The following ST7 variants were observed in gnomAD, a reference collection of about 807,000 sequenced individuals.
ST7 encodes suppressor of tumorigenicity 7 protein.
In ST7, 28 loss-of-function variants were observed where a neutral mutation model predicts 78.7. The observed-to-expected ratio is 0.36, with a 90% CI of 0.26 to 0.49. The LOEUF (loss-of-function observed/expected upper bound fraction) is 0.49. ST7 is among the 20% of genes least tolerant of loss of function. The pLI is 0.99. For missense variants in ST7, 418 were observed against 696.0 expected, an observed-to-expected ratio of 0.60 and a Z score of 4.49; for synonymous variants, 247 against 249.6, an observed-to-expected ratio of 0.99 and a Z score of 0.10.
chr7:117,151,243 C>T (rs1806222630), intron 9 of ST7, among the ~76,000 whole-genome samples: 1 of 152,220 alleles, frequency 6.6e-6, no homozygotes, highest in South Asian at 2.1e-4. Flanking sequence ...AGAATGCAAA[C>T]TCTGTATGTG....
At chr7:117,101,787 C>A (rs1268223522) in intron 2 of ST7, among the ~76,000 whole-genome samples, 3 of 152,140 alleles carry the variant, frequency 2.0e-5, no homozygotes, top group Non-Finnish European at 4.4e-5. Context: ...AGAAATCTAT[C>A]CTCAAAATTC....
At chr7:117,133,976 T>C in intron 6 of ST7, 148 bp from the exon 7 acceptor site, 2 of 1,004,608 alleles carry the variant, frequency 2.0e-6, no homozygotes, top group South Asian at 1.7e-5. Flanking sequence ...CTGAATCTCA[T>C]GCCATTGAAT....
intron 10 of ST7, among the ~76,000 whole-genome samples, chr7:117,185,877 C>T (rs868383474): frequency 6.6e-6 from 1 of 152,106 alleles, no homozygotes; most frequent in Non-Finnish European, 1.5e-5. Flanking sequence ...TAGCTGAGAT[C>T]GTGCCATTGC....
At chr7:116,973,383 G>T (rs1347296851) in intron 1 of ST7, among the ~76,000 whole-genome samples, 2 of 151,996 alleles carry the variant, frequency 1.3e-5, no homozygotes, top group African/African-American at 4.8e-5. Context: ...TCAGCCTCCC[G>T]AGTAGCTGGG....
At chr7:117,145,678 A>G (rs1345238335) in intron 9 of ST7, 4 of 152,118 alleles carry the variant, frequency 2.6e-5, no homozygotes, top group Admixed American at 1.3e-4. Context: ...CAGAAACACT[A>G]TTTCTGATAG....
intron 1 of ST7, among the ~76,000 whole-genome samples, chr7:117,048,305 T>C (rs944855881): frequency 3.3e-5 from 5 of 152,184 alleles, no homozygotes; most frequent in African/African-American, 1.2e-4. Flanking sequence ...TTTTGCTTTG[T>C]CATTTATCTA....
chr7:117,128,866 G>A (rs578216237), intron 3 of ST7, among the ~76,000 whole-genome samples: 4 of 151,836 alleles, frequency 2.6e-5, no homozygotes, highest in Non-Finnish European at 5.9e-5. Flanking sequence ...TTGTACATAT[G>A]TTGTTGGATG....
At chr7:117,127,878 A>C (rs1803985380) in intron 3 of ST7, among the ~76,000 whole-genome samples, 1 of 151,992 alleles carries the variant, frequency 6.6e-6, no homozygotes, top group African/African-American at 2.4e-5. Context: ...GTTTAGAAAT[A>C]ATTTCAATTG....
rs1389460825 is a variant in ST7 at position 117,227,209 on chromosome 7, A to ATGCACC, written c.1639-2553_1639-2552insTGCACC. Among the ~76,000 whole-genome samples the ATGCACC allele has an allele frequency of 2.0e-5, 3 of 152,340 alleles. No individual in the cohort carries two copies. In the East Asian group the frequency reaches 5.8e-4, roughly 29 times the overall value. ...TTAGTGTGTGTGCATCACCCAGAGT[A>ATGCACC]CAGACTTTGAGCGATGCCTGTTATC... is the stretch of plus-strand genomic sequence containing the variant. On this transcript the variant is annotated intron_variant, in intron 15 of 15. Coordinates refer to ENST00000323984, the MANE Select transcript of ST7 (RefSeq NM_001369598.1).
chr7:117,113,624 AC>A (rs1386089509), intron 2 of ST7, among the ~76,000 whole-genome samples: 2 of 152,188 alleles, frequency 1.3e-5, no homozygotes, highest in African/African-American at 4.8e-5. Flanking sequence ...ATAGGCAGGA[AC>A]CATATCTGTG....
intron 9 of ST7, among the ~76,000 whole-genome samples, chr7:117,170,549 C>T (rs1469009746): frequency 6.6e-6 from 1 of 152,108 alleles, no homozygotes; most frequent in African/African-American, 2.4e-5. Flanking sequence ...GGCATGGTAG[C>T]ATGTGCCTGT....
At chr7:117,164,840 A>G (rs779478195) in intron 9 of ST7, among the ~76,000 whole-genome samples, 3 of 45,182 alleles carry the variant, frequency 6.6e-5, no homozygotes, top group Non-Finnish European at 1.2e-4. Context: ...TGCAGCCTTT[A>G]TTGTTTTTTG....
intron 8 of ST7, chr7:117,137,154 A>G (rs1804857164): frequency 6.6e-6 from 1 of 152,150 alleles, no homozygotes; most frequent in Non-Finnish European, 1.5e-5. Context: ...TTATAAAATT[A>G]AATGTTAACG....
chr7:116,958,797 C>T, intron 1 of ST7: 1 of 379,978 alleles, frequency 2.6e-6, no homozygotes, highest in South Asian at 2.0e-5. Flanking sequence ...AATGTATATA[C>T]CTTAATTTAA....
Position 117,119,554 on chromosome 7 carries a change from G to A in ST7, c.235-7G>A, listed in dbSNP as rs1443755980. On this transcript the variant is annotated splice_polypyrimidine_tract_variant and splice_region_variant and intron_variant, in intron 2 of 15. Transcript: ENST00000323984. ...TGACCATAAACACGCTTATTTTTCTGTTCTAGATATTTGAATGGTGGTATT... is the reference window on the plus strand; with the variant it reads ...TGACCATAAACACGCTTATTTTTCTATTCTAGATATTTGAATGGTGGTATT... 5 of 1,610,654 alleles carry A rather than the reference G, an allele frequency of 3.1e-6. No homozygotes were observed. The South Asian group carries it at 4.4e-5, about 14-fold the overall frequency.
intron 1 of ST7, 46 bp from the exon 2 acceptor site, chr7:117,099,716 C>T (rs1031166445): frequency 2.1e-6 from 3 of 1,407,756 alleles, no homozygotes; most frequent in Non-Finnish European, 2.0e-6. Context: ...CTGACATACT[C>T]ATACATTCCT....
intron 10 of ST7, among the ~76,000 whole-genome samples, chr7:117,186,894 A>G (rs550862616): frequency 6.6e-6 from 1 of 152,354 alleles, no homozygotes; most frequent in South Asian, 2.1e-4. Context: ...ATCTTTGTGC[A>G]CATTGATGAT....
At chr7:117,209,641 A>G in intron 12 of ST7, 146 bp from the exon 13 acceptor site, 1 of 890,962 alleles carries the variant, frequency 1.1e-6, no homozygotes, top group Non-Finnish European at 1.7e-6. Context: ...TGTTTTAGTA[A>G]TTGCCTTCAA....
intron 12 of ST7, among the ~76,000 whole-genome samples, chr7:117,197,510 A>G (rs1191159875): frequency 6.6e-6 from 1 of 152,228 alleles, no homozygotes; most frequent in African/African-American, 2.4e-5. Context: ...ACTACTTGCC[A>G]AAAAAGATTA....
Sources: allele counts gnomAD v4.1 joint callset (sites outside exome capture counted in the v4.1 genomes callset), GRCh38; gene constraint gnomAD v4.1.1; transcripts MANE v1.5; gene names NCBI Gene and HGNC (gene_info 2026-07-23, HGNC 2026-07-21).